ARID1B: variants seen among roughly 807,000 people sequenced by gnomAD.
ARID1B encodes AT-rich interaction domain 1B, also known as AT-rich interactive domain-containing protein 1B.
Under a neutral mutation model 212.3 loss-of-function variants are expected in ARID1B, and 30 were observed. The observed-to-expected ratio is 0.14, with a 90% CI of 0.11 to 0.19. ARID1B has a LOEUF of 0.19. ARID1B is among the 10% of genes least tolerant of loss of function. The pLI, the probability that ARID1B is intolerant of heterozygous loss-of-function variation, is 1.00. For synonymous variants in ARID1B, 1,402 were observed against 1,301.7 expected, an observed-to-expected ratio of 1.08 and a Z score of -1.66; for missense variants, 2,891 against 3,204.0, an observed-to-expected ratio of 0.90 and a Z score of 2.36.
In ARID1B at chr6:156,905,250, G is replaced by GCGCGCACACACACACA. The variant is rs1554265935; in HGVS notation, c.2136+3726_2136+3727insGCGCACACACACACAC. ...GAATCAATTGTGCTCACATATGCACGCACACACACACACACACACACACAC... is the reference window on the plus strand; with the variant it reads ...GAATCAATTGTGCTCACATATGCACGCGCGCACACACACACACACACACACACACACACACACACAC... On this transcript the variant is annotated intron_variant, in intron 3 of 19. Coordinates refer to ENST00000636930, the MANE Select transcript of ARID1B (RefSeq NM_001374828.1). Among the ~76,000 whole-genome samples, 383 of 143,832 alleles carry GCGCGCACACACACACA rather than the reference G, an allele frequency of 2.7e-3. 6 individuals are homozygous for GCGCGCACACACACACA. Among genetic ancestry groups the GCGCGCACACACACACA allele is most frequent in the African/African-American group, 9.5e-3 (365 of 38,312 alleles). The allele number at this position is 143,832 out of a possible 152,430, so 94.4% of individuals were successfully genotyped here.
At chr6:156,966,394 T>TC (rs1562516392) in intron 4 of ARID1B, among the ~76,000 whole-genome samples, 2 of 54,810 alleles carry the variant, frequency 3.6e-5, no homozygotes, top group African/African-American at 6.0e-5. Context: ...TTCTTTTTTT[T>TC]TTTTTTTTTT....
intron 2 of ARID1B, among the ~76,000 whole-genome samples, chr6:156,899,424 G>C (rs946776846): frequency 5.9e-5 from 9 of 152,184 alleles, no homozygotes; most frequent in Non-Finnish European, 1.3e-4. Context: ...CTCAGCCCAG[G>C]CTTACAGAAG....
At chr6:157,189,546 C>A in intron 13 of ARID1B, 96 bp from the exon 14 acceptor site, 2 of 1,347,476 alleles carry the variant, frequency 1.5e-6, no homozygotes, top group Non-Finnish European at 2.0e-6. Context: ...GTCTTATTTA[C>A]ATTTATGTCT....
chr6:157,046,235 C>G (rs577686592), intron 4 of ARID1B, among the ~76,000 whole-genome samples: 1 of 152,178 alleles, frequency 6.6e-6, no homozygotes, highest in Admixed American at 6.5e-5. Flanking sequence ...GAGGAATACA[C>G]AAGTCTAAAA....
intron 1 of ARID1B, among the ~76,000 whole-genome samples, chr6:156,787,010 A>G (rs997964821): frequency 6.6e-6 from 1 of 150,722 alleles, no homozygotes; most frequent in African/African-American, 2.4e-5. Flanking sequence ...GTCAACAACA[A>G]TTGTAGGTTG....
chr6:156,780,506 A>G (rs1779180040), intron 1 of ARID1B: 2 of 152,280 alleles, frequency 1.3e-5, no homozygotes, highest in South Asian at 4.1e-4. Context: ...AACTGGCTGT[A>G]ATAGTCTCCA....
chr6:156,895,735 TACACAC>T (rs79108130), intron 2 of ARID1B, among the ~76,000 whole-genome samples: 12 of 150,266 alleles, frequency 8.0e-5, no homozygotes, highest in South Asian at 2.1e-4. Flanking sequence ...TACAGGTGTA[TACACAC>T]ACACACACAC....
chr6:157,197,992 C>A (rs1793846714), intron 16 of ARID1B, among the ~76,000 whole-genome samples: 1 of 151,630 alleles, frequency 6.6e-6, no homozygotes, highest in Non-Finnish European at 1.5e-5. Context: ...ATTCCTTGAT[C>A]AGCTTAGGAA....
chr6:157,018,249 C>CCA (rs1229574179), intron 4 of ARID1B, among the ~76,000 whole-genome samples: 1 of 100,566 alleles, frequency 9.9e-6, no homozygotes, highest in East Asian at 3.2e-4. Context: ...TACAGTCTTG[C>CCA]TCTGTTGCCC....
intron 3 of ARID1B, among the ~76,000 whole-genome samples, chr6:156,914,780 C>G (rs1415251681): frequency 1.3e-5 from 2 of 152,210 alleles, no homozygotes; most frequent in Non-Finnish European, 2.9e-5. Flanking sequence ...CCACCCAGCC[C>G]TTTATCCACA....
intron 4 of ARID1B, among the ~76,000 whole-genome samples, chr6:156,991,384 C>T (rs1365514644): frequency 6.6e-6 from 1 of 152,104 alleles, no homozygotes; most frequent in Non-Finnish European, 1.5e-5. Context: ...GTGCCCATCA[C>T]CATGTCTGGC....
In ARID1B at chr6:157,167,030, C is replaced by CT. The variant is rs1791371214; in HGVS notation, c.3090-8dup. On this transcript the variant is annotated splice_polypyrimidine_tract_variant and intron_variant, in intron 8 of 19. Transcript: ENST00000636930. ...TCGGTATATGTGTGCTGTGCTTTCT[C>CT]TTCCTGTAGGCAAGGCAGTTTCCCC... The CT allele has an allele frequency of 6.2e-7, 1 of 1,609,394 alleles. No individual in the cohort carries two copies. The highest frequency in any genetic ancestry group is 1.7e-5 in the Admixed American group (1 of 59,998).
intron 2 of ARID1B, among the ~76,000 whole-genome samples, chr6:156,834,358 G>T (rs1277908842): frequency 6.6e-6 from 1 of 152,128 alleles, no homozygotes; most frequent in South Asian, 2.1e-4. Flanking sequence ...TAATGGAGAG[G>T]AATGGGTGCC....
rs1387977593 is a variant in ARID1B, at chr6:157,181,123, C to T, written c.3659C>T (p.Pro1220Leu). 2.5e-6 allele frequency: 4 copies of T among 1,614,186 alleles called. No individual in the cohort carries two copies. Residue 1220 changes from proline to leucine, a missense_variant, in exon 12 of 20, where the codon CCC (proline) becomes CTC (leucine). By Grantham distance (98) the Pro-to-Leu change is moderately conservative. Transcript: ENST00000636930. ...AGTCTGCCTGCCGTGGGCAAGAAGCCCCTGGACCTGTTCCGACTCTACGTC... is the reference window on the plus strand; with the variant it reads ...AGTCTGCCTGCCGTGGGCAAGAAGCTCCTGGACCTGTTCCGACTCTACGTC... ...VSSLPAVGKK[P>L]LDLFRLYVCV...
At chr6:156,822,619 C>T (rs1176923239) in intron 1 of ARID1B, among the ~76,000 whole-genome samples, 1 of 152,242 alleles carries the variant, frequency 6.6e-6, no homozygotes, top group Non-Finnish European at 1.5e-5. Flanking sequence ...CCCACTTTTA[C>T]TTTTGCCGTA....
Position 156,829,982 on chromosome 6 carries a change from G to GT in ARID1B, c.1986+561_1986+562insT, listed in dbSNP as rs576624616. Among the ~76,000 whole-genome samples the GT allele has an allele frequency of 3.5e-4, 53 of 152,170 alleles. No individual in the cohort carries two copies. In the South Asian group the frequency reaches 1.0e-2, roughly 29 times the overall value. On this transcript the variant is annotated intron_variant, in intron 2 of 19. Transcript: ENST00000636930. Reference sequence around the variant, plus strand: ...GCATCTGTTTTGTTAGGTCTTGATGGGTTTTGTGTTTTTACTTAAAAAAGA... The same window carrying GT: ...GCATCTGTTTTGTTAGGTCTTGATGGTGTTTTGTGTTTTTACTTAAAAAAGA...
At chr6:157,027,004 G>A (rs1160626914) in intron 4 of ARID1B, among the ~76,000 whole-genome samples, 1 of 152,140 alleles carries the variant, frequency 6.6e-6, no homozygotes. Flanking sequence ...CCCTTAGCAG[G>A]TAAGGCTGTA....
In ARID1B at chr6:157,174,957, A is replaced by G; in HGVS notation, c.3456A>G (p.Glu1152=). ...SASISSFHGD[E]SDSISSPGWP... ...GCATCTCCTCATTTCATGGAGATGA[A>G]AGTGATAGCATTAGCAGCCCAGGCT... is the stretch of plus-strand genomic sequence containing the variant. The change falls in exon 11 of 20, where the codon GAA becomes GAG. Residue 1152 remains glutamate, a synonymous_variant. Coordinates refer to ENST00000636930, the MANE Select transcript of ARID1B (RefSeq NM_001374828.1). 1.3e-6 allele frequency: 2 copies of G among 1,532,514 alleles called. No individual in the cohort carries two copies. Among genetic ancestry groups the G allele is most frequent in the Non-Finnish European group, 1.8e-6 (2 of 1,137,594 alleles). The allele number at this position is 1,532,514 out of a possible 1,614,324, so 94.9% of individuals were successfully genotyped here.
chr6:156,796,529 T>G (rs1418427133), intron 1 of ARID1B, among the ~76,000 whole-genome samples: 3 of 152,140 alleles, frequency 2.0e-5, no homozygotes, highest in African/African-American at 7.2e-5. Flanking sequence ...TCTACTTGTG[T>G]TATTTCTTTC....
Sources: gnomAD v4.1 joint callset for allele counts (sites outside exome capture counted in the v4.1 genomes callset) on GRCh38, gnomAD v4.1.1 for gene constraint, MANE v1.5 for transcripts, NCBI Gene and HGNC (gene_info 2026-07-23, HGNC 2026-07-21) for gene names.